The following LDB2 variants were observed in gnomAD, a reference collection of about 807,000 sequenced individuals.
LDB2 encodes the protein LIM domain binding 2, also known as LIM domain-binding protein 2.
A neutral mutation model predicts 44.3 loss-of-function variants in LDB2; 12 were observed. The observed-to-expected ratio is 0.27, with a 90% CI of 0.17 to 0.44. LDB2 has a LOEUF of 0.44. LDB2 is among the 20% of genes least tolerant of loss of function. The pLI is 1.00. For missense variants in LDB2, 344 were observed against 473.5 expected (o/e 0.73, Z 2.54); for synonymous variants, 164 against 174.8 (o/e 0.94, Z 0.49).
intron 1 of LDB2, among the ~76,000 whole-genome samples, chr4:16,884,693 G>A (rs187987065): frequency 3.9e-5 from 6 of 152,130 alleles, no homozygotes; most frequent in Admixed American, 2.0e-4. Flanking sequence ...TGCCCTCTTC[G>A]TCTCTAGACT....
chr4:16,865,533 T>C (rs113784373), intron 1 of LDB2, among the ~76,000 whole-genome samples: 1,548 of 152,260 alleles, frequency 0.01, 29 homozygotes, highest in African/African-American at 0.035. Context: ...ATCATGAGGA[T>C]GCCCCAGCCT....
At chr4:16,502,993 G>T in intron 7 of LDB2, 120 bp from the exon 8 acceptor site, 2 of 1,601,296 alleles carry the variant, frequency 1.2e-6, no homozygotes, top group South Asian at 1.1e-5. Context: ...GTACAACGGG[G>T]TCAAGTCTCA....
intron 2 of LDB2, among the ~76,000 whole-genome samples, chr4:16,597,627 A>G (rs1490311929): frequency 6.6e-6 from 1 of 152,202 alleles, no homozygotes; most frequent in African/African-American, 2.4e-5. Flanking sequence ...GAATAAATGC[A>G]AACCATAAAA....
intron 2 of LDB2, among the ~76,000 whole-genome samples, chr4:16,677,339 G>A (rs1050893651): frequency 1.3e-5 from 2 of 152,108 alleles, no homozygotes; most frequent in African/African-American, 2.4e-5. Context: ...CATAAAATAC[G>A]TTAACAAATA....
intron 2 of LDB2, among the ~76,000 whole-genome samples, chr4:16,659,689 A>ATATATATATATATATGTATG (rs1310756163): frequency 1.4e-5 from 2 of 140,660 alleles, no homozygotes; most frequent in South Asian, 2.4e-4. Context: ...ATATATATAT[A>ATATATATATATATATGTATG]TATGTATGTA....
intron 4 of LDB2, among the ~76,000 whole-genome samples, chr4:16,588,463 A>G (rs1482359068): frequency 5.3e-5 from 8 of 152,254 alleles, no homozygotes; most frequent in Non-Finnish European, 1.0e-4. Flanking sequence ...AGTAACCTCA[A>G]TTTGGAGTTC....
chr4:16,861,800 C>T (rs1191072643), intron 1 of LDB2, among the ~76,000 whole-genome samples: 1 of 152,238 alleles, frequency 6.6e-6, no homozygotes, highest in Non-Finnish European at 1.5e-5. Context: ...TCCTCCCTTG[C>T]ACATGCTGTT....
chr4:16,846,404 C>T (rs527854987), intron 1 of LDB2, among the ~76,000 whole-genome samples: 31 of 152,290 alleles, frequency 2.0e-4, no homozygotes, highest in African/African-American at 6.7e-4. Context: ...TTGTCTACCC[C>T]TGGTGCTGTT....
chr4:16,715,192 C>T (rs1006067458), intron 2 of LDB2, among the ~76,000 whole-genome samples: 4 of 152,156 alleles, frequency 2.6e-5, no homozygotes, highest in African/African-American at 4.8e-5. Context: ...GCCCACATTA[C>T]CCAGGTATTA....
At chr4:16,784,200 C>T (rs1335673589) in intron 1 of LDB2, among the ~76,000 whole-genome samples, 2 of 151,896 alleles carry the variant, frequency 1.3e-5, no homozygotes, top group Non-Finnish European at 2.9e-5. Flanking sequence ...GAAACAAATT[C>T]TCCTCTTCAG....
At chr4:16,781,036 T>G (rs1467228431) in intron 1 of LDB2, among the ~76,000 whole-genome samples, 1 of 152,164 alleles carries the variant, frequency 6.6e-6, no homozygotes, top group Non-Finnish European at 1.5e-5. Flanking sequence ...GCTAAGCACC[T>G]CTCTTTTAAA....
chr4:16,557,305 A>C (rs559616923), intron 5 of LDB2, among the ~76,000 whole-genome samples: 71 of 152,310 alleles, frequency 4.7e-4, no homozygotes, highest in African/African-American at 1.7e-3. Flanking sequence ...TCCCTTTCTT[A>C]GTCAAAGTAA....
rs142744886 is a variant in LDB2 at position 16,633,492 on chromosome 4, T to C, written c.236-37617A>G. Among the ~76,000 whole-genome samples, 907 of 152,226 alleles carry C rather than the reference T, an allele frequency of 6.0e-3. 9 individuals are homozygous for C. The highest frequency in any genetic ancestry group is 0.021 in the African/African-American group (882 of 41,524). Reference sequence around the variant, plus strand: ...ATAACAGACAAACAGAGCCAAATCATGAGTGAACTCCAATTCATAATTGCT... The same window carrying C: ...ATAACAGACAAACAGAGCCAAATCACGAGTGAACTCCAATTCATAATTGCT... On this transcript the variant is annotated intron_variant, in intron 2 of 7. Coordinates refer to ENST00000304523, the MANE Select transcript of LDB2 (RefSeq NM_001290.5).
intron 2 of LDB2, among the ~76,000 whole-genome samples, chr4:16,727,100 G>C (rs1308350090): frequency 6.6e-6 from 1 of 152,208 alleles, no homozygotes; most frequent in South Asian, 2.1e-4. Flanking sequence ...AGATGGGTGA[G>C]AGAGATCAGT....
intron 1 of LDB2, among the ~76,000 whole-genome samples, chr4:16,763,507 G>C (rs1768459820): frequency 6.7e-6 from 1 of 149,778 alleles, no homozygotes; most frequent in African/African-American, 2.5e-5. Flanking sequence ...AGTTATGACA[G>C]AACAAATGTT....
intron 1 of LDB2, among the ~76,000 whole-genome samples, chr4:16,873,598 A>T (rs1278105816): frequency 6.6e-6 from 1 of 152,222 alleles, no homozygotes; most frequent in African/African-American, 2.4e-5. Context: ...CAATTCCTAA[A>T]GAGTTTTCTA....
At chr4:16,707,560 T>C (rs1754880625) in intron 2 of LDB2, among the ~76,000 whole-genome samples, 1 of 152,224 alleles carries the variant, frequency 6.6e-6, no homozygotes, top group Non-Finnish European at 1.5e-5. Flanking sequence ...GTTTATTCAA[T>C]GCAATCTTCT....
chr4:16,704,124 C>T (rs886991039), intron 2 of LDB2, among the ~76,000 whole-genome samples: 2 of 152,164 alleles, frequency 1.3e-5, no homozygotes, highest in East Asian at 1.9e-4. Context: ...TTCATTCTAG[C>T]ACTGATGCCT....
intron 2 of LDB2, among the ~76,000 whole-genome samples, chr4:16,680,554 C>T (rs1349871687): frequency 6.6e-6 from 1 of 152,140 alleles, no homozygotes; most frequent in African/African-American, 2.4e-5. Context: ...ACAAAGATCC[C>T]CTGGAAAAAC....
Sources: allele counts gnomAD v4.1 joint callset (sites outside exome capture counted in the v4.1 genomes callset), GRCh38; gene constraint gnomAD v4.1.1; transcripts MANE v1.5; gene names NCBI Gene and HGNC (gene_info 2026-07-23, HGNC 2026-07-21).